Variants in HIVEP3 observed in about 807,000 individuals in gnomAD.
The protein encoded by HIVEP3 is HIVEP zinc finger 3, also known as transcription factor HIVEP3.
In HIVEP3, 49 loss-of-function variants were observed where a neutral mutation model predicts 152.8. The observed-to-expected ratio is 0.32, with a 90% CI of 0.26 to 0.41. The LOEUF is 0.41. Among genes scored for constraint, HIVEP3 ranks in the 10% least tolerant of loss-of-function variants. The probability of loss-of-function intolerance (pLI) is 1.00; values close to 1 mark genes in which losing one functional copy is unlikely to be tolerated. For synonymous variants in HIVEP3, 1,269 were observed against 1,289.0 expected, an observed-to-expected ratio of 0.98 and a Z score of 0.33; for missense variants, 2,790 against 3,103.3, an observed-to-expected ratio of 0.90 and a Z score of 2.40.
At chr1:41,638,350 G>GGA (rs1462878827) in intron 2 of HIVEP3, among the ~76,000 whole-genome samples, 1,967 of 40,414 alleles carry the variant, frequency 0.049, 18 homozygotes, top group Non-Finnish European at 0.067. Flanking sequence ...GAGAGAGAAA[G>GGA]AAAGAAAAAG....
chr1:41,987,188 G>T (rs898387231), intron 1 of HIVEP3, among the ~76,000 whole-genome samples: 5 of 152,080 alleles, frequency 3.3e-5, no homozygotes, highest in Non-Finnish European at 7.4e-5. Flanking sequence ...TATAAACATA[G>T]AAGAATTAAT....
chr1:41,523,010 G>C (rs557980638), intron 6 of HIVEP3, among the ~76,000 whole-genome samples: 1 of 152,174 alleles, frequency 6.6e-6, no homozygotes, highest in African/African-American at 2.4e-5. Context: ...CTCGGGGCCC[G>C]TGTTCTAGTT....
At chr1:41,539,433 T>G (rs745665465) in intron 5 of HIVEP3, among the ~76,000 whole-genome samples, 27 of 152,244 alleles carry the variant, frequency 1.8e-4, no homozygotes, top group South Asian at 6.2e-4. Flanking sequence ...TGTGAGAAAT[T>G]CTCCCCAAAC....
rs536724646 is a variant in HIVEP3, at chr1:41,617,626, G to A, written c.-522+11123C>T. ...CCCCATTCAAAGACACACAGAGAGG[G>A]ACATTGACAGTGCACAGGAGATATC... On this transcript the variant is annotated intron_variant, in intron 3 of 8. Transcript: ENST00000372583. 3.9e-5 allele frequency among the ~76,000 whole-genome samples: 6 copies of A among 152,372 alleles called. No homozygotes were observed. The South Asian group carries it at 1.2e-3, about 32-fold the overall frequency.
In HIVEP3 at chr1:41,513,052, C is replaced by G; in HGVS notation, c.6169G>C (p.Gly2057Arg). Residue 2057 changes from glycine (G) to arginine (R), a missense_variant, in exon 8 of 9, where the codon GGT becomes CGT. Coordinates refer to ENST00000372583, the MANE Select transcript of HIVEP3 (RefSeq NM_024503.5). Reference protein sequence around the residue: ...PRAHVLSKLEGTTDPGLPRYS... With the variant: ...PRAHVLSKLERTTDPGLPRYS... ...CTGGGGAGGCCTGGGTCGGTGGTAC[C>G]CTCGAGTTTGGAGAGCACATGTGCT... 6.2e-7 allele frequency: 1 copy of G among 1,613,786 alleles called. No homozygotes were observed. Among genetic ancestry groups the G allele is most frequent in the Non-Finnish European group, 8.5e-7 (1 of 1,179,974 alleles).
chr1:41,681,275 G>T (rs1214312409), intron 2 of HIVEP3, among the ~76,000 whole-genome samples: 4 of 152,156 alleles, frequency 2.6e-5, no homozygotes, highest in African/African-American at 7.2e-5. Context: ...TATATCTTCT[G>T]TAGAGACAGC....
At chr1:41,712,282 C>T (rs1646524741) in intron 1 of HIVEP3, among the ~76,000 whole-genome samples, 2 of 152,208 alleles carry the variant, frequency 1.3e-5, no homozygotes, top group African/African-American at 4.8e-5. Flanking sequence ...AGGCATGCCG[C>T]CCTAGTCGCA....
At chr1:41,919,804 G>A (rs1413501172), upstream of HIVEP3, among the ~76,000 whole-genome samples, 1 of 152,170 alleles carries the variant, frequency 6.6e-6, no homozygotes, top group Non-Finnish European at 1.5e-5. Context: ...CTTTTAAAGA[G>A]GTAGCGCTGA....
chr1:41,788,441 C>T (rs988262493), intron 1 of HIVEP3, among the ~76,000 whole-genome samples: 2 of 152,222 alleles, frequency 1.3e-5, no homozygotes, highest in Non-Finnish European at 2.9e-5. Context: ...AGTAGAAGGT[C>T]AGCAGCCAGG....
chr1:41,688,725 G>A (rs922986207), intron 2 of HIVEP3, among the ~76,000 whole-genome samples: 2 of 152,200 alleles, frequency 1.3e-5, no homozygotes, highest in Non-Finnish European at 2.9e-5. Context: ...CCAAGGCCCC[G>A]GTGATGTGGC....
chr1:41,580,834 G>A lies in HIVEP3; in HGVS notation c.3964C>T (p.Arg1322Cys), dbSNP rs761803637. The A allele has an allele frequency of 9.4e-6, 15 of 1,589,810 alleles. No individual in the cohort carries two copies. The highest frequency in any genetic ancestry group is 1.3e-5 in the African/African-American group (1 of 74,456). ...TAGGACGGCATATTGGTCTGAACAC[G>A]GACAGGCACAACCAGGGACACCATG... Reference protein sequence around the residue: ...DTMVSLVVPVRVQTNMPSYGS... With the variant: ...DTMVSLVVPVCVQTNMPSYGS... The change falls in exon 4 of 9, where the codon CGT becomes TGT. Residue 1322 changes from arginine to cysteine, a missense_variant. Physicochemically the swap from Arg to Cys is radical, Grantham distance 180 (BLOSUM62 -3). Transcript: ENST00000372583.
chr1:41,561,310 A>G (rs189453245), intron 5 of HIVEP3, among the ~76,000 whole-genome samples: 361 of 152,304 alleles, frequency 2.4e-3, no homozygotes, highest in Non-Finnish European at 4.2e-3. Flanking sequence ...TGCAAATGAG[A>G]AAACTGTGAC....
At chr1:41,749,104 C>A (rs544142811) in intron 1 of HIVEP3, among the ~76,000 whole-genome samples, 1 of 152,362 alleles carries the variant, frequency 6.6e-6, no homozygotes, top group African/African-American at 2.4e-5. Flanking sequence ...TCAGTCATGA[C>A]AGGGATTCCT....
At chr1:41,717,193 G>T (rs970905509) in intron 1 of HIVEP3, among the ~76,000 whole-genome samples, 4 of 151,902 alleles carry the variant, frequency 2.6e-5, no homozygotes, top group Non-Finnish European at 5.9e-5. Flanking sequence ...TCAGCATCTG[G>T]GGACCAGAAC....
intron 1 of HIVEP3, among the ~76,000 whole-genome samples, chr1:41,986,502 G>A (rs778550333): frequency 1.4e-5 from 2 of 148,002 alleles, no homozygotes; most frequent in South Asian, 2.1e-4. Flanking sequence ...CTGCAGTGGC[G>A]CTATGTCGGC....
rs1355795514 is a variant in HIVEP3 at position 41,507,426 on chromosome 1, G to C, written c.*3025C>G. On this transcript the variant is annotated 3_prime_UTR_variant, in exon 9 of 9. Coordinates refer to ENST00000372583, the MANE Select transcript of HIVEP3 (RefSeq NM_024503.5). ...GCCCTGAGATTGCCAAGGGTGAAAG[G>C]CATCGTGGAGCGCAGGCCTGGGGGG... 1.3e-5 allele frequency: 2 copies of C among 152,292 alleles called. No individual in the cohort carries two copies. The highest frequency in any genetic ancestry group is 2.9e-5 in the Non-Finnish European group (2 of 68,114). The allele number at this position is 152,292 out of a possible 1,614,324, so 9.4% of individuals were successfully genotyped here.
intron 5 of HIVEP3, among the ~76,000 whole-genome samples, chr1:41,573,898 T>C (rs1480889039): frequency 2.6e-5 from 4 of 151,928 alleles, no homozygotes; most frequent in Non-Finnish European, 5.9e-5. Flanking sequence ...GTAGGACCCA[T>C]ACCAGCTGGA....
At chr1:41,603,749 C>T (rs1287737144) in intron 3 of HIVEP3, among the ~76,000 whole-genome samples, 1 of 152,168 alleles carries the variant, frequency 6.6e-6, no homozygotes, top group Admixed American at 6.5e-5. Flanking sequence ...TGTGTTGTAA[C>T]TTAACATGGA....
At chr1:41,789,798 C>T (rs548051803) in intron 1 of HIVEP3, among the ~76,000 whole-genome samples, 1 of 152,274 alleles carries the variant, frequency 6.6e-6, no homozygotes, top group Admixed American at 6.5e-5. Context: ...ATGTAGTCAC[C>T]GGCTGGGTTG....
Sources: gnomAD v4.1 joint callset for allele counts (sites outside exome capture counted in the v4.1 genomes callset) on GRCh38, gnomAD v4.1.1 for gene constraint, MANE v1.5 for transcripts, NCBI Gene and HGNC (gene_info 2026-07-23, HGNC 2026-07-21) for gene names.